The following GET4 variants were observed in gnomAD, a reference collection of about 807,000 sequenced individuals.
The protein encoded by GET4 is guided entry of tail-anchored proteins factor 4.
In GET4, 20 loss-of-function variants were observed where a neutral mutation model predicts 40.0. That is an observed-to-expected ratio of 0.50 (90% CI 0.35 to 0.73). The LOEUF (loss-of-function observed/expected upper bound fraction) is 0.73, where lower values mean the gene tolerates loss of function less well. Among genes scored for constraint, GET4 ranks in the 30% least tolerant of loss-of-function variants. The pLI is 0.01. For missense variants in GET4, 557 were observed against 454.0 expected, an observed-to-expected ratio of 1.23 and a Z score of -2.06; for synonymous variants, 280 against 194.6, an observed-to-expected ratio of 1.44 and a Z score of -3.65.
Position 887,460 on chromosome 7 carries a change from G to T in GET4, c.407G>T (p.Gly136Val), listed in dbSNP as rs772387849. The change falls in exon 4 of 9, where the codon GGC becomes GTC. Residue 136 changes from glycine to valine, a missense_variant. By Grantham distance (109) the Gly-to-Val change is moderately radical (BLOSUM62 -3). Transcript: ENST00000265857. ...AGAGCCCTGAAGTGGTCCAGTGGGG[G>T]CTCCGGGAAGCTGGGCCACCCCCGG... ...VSRALKWSSG[G>V]SGKLGHPRLH... 2 of 1,590,810 alleles carry T rather than the reference G, an allele frequency of 1.3e-6. No individual in the cohort carries two copies. Among genetic ancestry groups the T allele is most frequent in the Admixed American group, 3.5e-5 (2 of 57,430 alleles).
intron 4 of GET4, 147 bp downstream of exon 4, chr7:887,666 C>T (rs767039224): frequency 2.7e-5 from 15 of 563,166 alleles, no homozygotes; most frequent in African/African-American, 2.1e-4. Context: ...GAGACCCATG[C>T]GCCATGCTAA....
intron 4 of GET4, among the ~76,000 whole-genome samples, chr7:889,083 ATGTACG>A (rs1844254891): frequency 6.6e-6 from 1 of 152,210 alleles, no homozygotes; most frequent in South Asian, 2.1e-4. Context: ...ATAAGGAGGG[ATGTACG>A]TGTCTCATCT....
chr7:886,160 T>C, intron 2 of GET4, 26 bp downstream of exon 2: 4 of 1,473,580 alleles, frequency 2.7e-6, no homozygotes, highest in Non-Finnish European at 3.8e-6. Flanking sequence ...TCCTCCTGCA[T>C]CCCTTTCTGC....
chr7:889,268 C>T lies in GET4; in HGVS notation c.467-1660C>T, dbSNP rs556340556. ...ACGGTGCTGTGGGACTTTGATGGAC[C>T]TCACCCGGGGAGCCCAGGCCTGCTC... is the stretch of plus-strand genomic sequence containing the variant. On this transcript the variant is annotated intron_variant, in intron 4 of 8. Coordinates refer to ENST00000265857, the MANE Select transcript of GET4 (RefSeq NM_015949.3). Among the ~76,000 whole-genome samples, 4 of 152,368 alleles carry T rather than the reference C, an allele frequency of 2.6e-5. No individual in the cohort carries two copies. The East Asian group carries it at 7.7e-4, about 29-fold the overall frequency.
Position 895,365 on chromosome 7 carries a change from A to C in GET4, c.927A>C (p.Ser309=). ...TTCTGACCAGCCTCATGGGCTCCTC[A>C]GAGCAGGAGGATGGGGAGGAGAGCC... ...GNLLTSLMGS[S]EQEDGEESPS... Residue 309 remains serine (S), a synonymous_variant, in exon 9 of 9, where the codon TCA becomes TCC. Transcript: ENST00000265857. 1 of 1,596,458 alleles carries C rather than the reference A, an allele frequency of 6.3e-7. No individual in the cohort carries two copies.
At chr7:892,242 C>T (rs1311307629) in intron 5 of GET4, 36 bp from the exon 6 acceptor site, 1 of 1,581,216 alleles carries the variant, frequency 6.3e-7, no homozygotes, top group East Asian at 2.3e-5. Flanking sequence ...GCTGTGTCCT[C>T]CAGCCCTTCC....
At chr7:892,153 C>T in intron 5 of GET4, 125 bp from the exon 6 acceptor site, 6 of 913,338 alleles carry the variant, frequency 6.6e-6, no homozygotes, top group Non-Finnish European at 1.0e-5. Context: ...TGGGTCCCTC[C>T]ATGGCCTTGG....
intron 6 of GET4, among the ~76,000 whole-genome samples, chr7:892,726 C>T (rs919197670): frequency 8.2e-5 from 11 of 134,910 alleles, no homozygotes; most frequent in African/African-American, 3.1e-4. Context: ...GGTGTGGGTG[C>T]AGACGTCTGG....
chr7:883,436 C>T, intron 1 of GET4: 1 of 839,102 alleles, frequency 1.2e-6, no homozygotes, highest in East Asian at 1.2e-4. Flanking sequence ...GTCTCGGCCA[C>T]TAGTTCTAAT....
intron 1 of GET4, chr7:884,035 C>T: frequency 8.6e-7 from 1 of 1,167,962 alleles, no homozygotes; most frequent in Non-Finnish European, 1.1e-6. Flanking sequence ...GGCAGTGCCC[C>T]CCAGAGCAGG....
intron 6 of GET4, among the ~76,000 whole-genome samples, chr7:893,027 A>ACG (rs1844366207): frequency 1.1e-5 from 1 of 87,276 alleles, no homozygotes; most frequent in African/African-American, 4.8e-5. Context: ...TGAGGGGTGT[A>ACG]GGCGTGTGTG....
chr7:895,343 T>G lies in GET4; in HGVS notation c.905T>G (p.Leu302Arg). ...SSYGGLLGNL[L>R]TSLMGSSEQE... ...GTGTTCTTCTTTCCAGGGAACCTTC[T>G]GACCAGCCTCATGGGCTCCTCAGAG... Residue 302 changes from leucine to arginine, a missense_variant, in exon 9 of 9, where the codon CTG (leucine) becomes CGG (arginine). Coordinates refer to ENST00000265857, the MANE Select transcript of GET4 (RefSeq NM_015949.3). 1 of 1,568,810 alleles carries G rather than the reference T, an allele frequency of 6.4e-7. No individual in the cohort carries two copies. Among genetic ancestry groups the G allele is most frequent in the Non-Finnish European group, 8.8e-7 (1 of 1,142,494 alleles).
intron 8 of GET4, among the ~76,000 whole-genome samples, chr7:894,856 A>G (rs10950955): frequency 0.04 from 6,026 of 152,284 alleles, 481 homozygotes; most frequent in East Asian, 0.34. Context: ...TAAAAATCAG[A>G]TGACAGTGAC....
intron 1 of GET4, chr7:885,787 C>G (rs1000533959): frequency 8.8e-6 from 4 of 454,434 alleles, no homozygotes; most frequent in African/African-American, 8.1e-5. Context: ...AACCGGTGAG[C>G]TGCTCCAGGG....
chr7:892,416 C>A lies in GET4; in HGVS notation c.744C>A (p.Asp248Glu). 1 of 1,586,286 alleles carries A rather than the reference C, an allele frequency of 6.3e-7. No individual in the cohort carries two copies. The highest frequency in any genetic ancestry group is 8.6e-7 in the Non-Finnish European group (1 of 1,157,856). The change falls in exon 6 of 9, where the codon GAC becomes GAA. Residue 248 changes from aspartate to glutamate, a missense_variant and splice_region_variant. Physicochemically the swap from Asp to Glu is conservative, Grantham distance 45. Transcript: ENST00000265857. ...NFIWFLLLAV[D>E]GGKLTVFTVL... ...TCTGGTTCCTGCTGCTGGCTGTGGA[C>A]GGGTGCGTCTTGGGATCCTGCAGGG...
At chr7:889,007 A>T (rs865967301) in intron 4 of GET4, among the ~76,000 whole-genome samples, 32 of 152,368 alleles carry the variant, frequency 2.1e-4, no homozygotes, top group African/African-American at 7.5e-4. Context: ...GGCGTGGGAC[A>T]GGTGATGCCC....
At chr7:887,133 C>T (rs769639172) in intron 3 of GET4, 2 of 677,882 alleles carry the variant, frequency 3.0e-6, no homozygotes, top group African/African-American at 1.8e-5. Context: ...GGCACCTTCC[C>T]CAGCCCCCGC....
At position 886,616 on chromosome 7, in the gene GET4, G is replaced by A; in HGVS notation, c.282G>A (p.Glu94=). 1 of 1,613,122 alleles carries A rather than the reference G, an allele frequency of 6.2e-7. No homozygotes were observed. Among genetic ancestry groups the A allele is most frequent in the Middle Eastern group, 1.7e-4 (1 of 5,850 alleles). ...DLSMLVLESL[E]KAEVEVADEL... is the part of the protein sequence containing the mutation. ...CCATGCTGGTCCTGGAGTCCCTGGA[G>A]AAGGCGGAAGTGGAGGTGGCTGACG... The change falls in exon 3 of 9, where the codon GAG becomes GAA. Residue 94 remains glutamate (E), a synonymous_variant. Transcript: ENST00000265857.
intron 1 of GET4, chr7:885,735 G>A (rs945327746): frequency 1.1e-4 from 33 of 303,954 alleles, no homozygotes; most frequent in South Asian, 8.4e-4. Context: ...CCTTCCCTGC[G>A]CACCTGCCCT....
Sources: allele counts gnomAD v4.1 joint callset (sites outside exome capture counted in the v4.1 genomes callset), GRCh38; gene constraint gnomAD v4.1.1; transcripts MANE v1.5; gene names NCBI Gene and HGNC (gene_info 2026-07-23, HGNC 2026-07-21).